Variants in PMS1 observed in about 807,000 individuals in gnomAD.
PMS1 encodes the protein PMS1 protein homolog 1.
Under a neutral mutation model 93.1 loss-of-function variants are expected in PMS1, and 79 were observed. That is an observed-to-expected ratio of 0.85 (90% CI 0.71 to 1.02). The LOEUF (loss-of-function observed/expected upper bound fraction) is 1.02, where lower values mean the gene tolerates loss of function less well. Ranked by LOEUF, PMS1 falls within the 50% of genes least tolerant of loss-of-function variation. PMS1 has a pLI of 0.00. For missense variants in PMS1, 1,064 were observed against 1,085.3 expected (o/e 0.98, Z 0.28); for synonymous variants, 335 against 363.4 (o/e 0.92, Z 0.89).
chr2:189,791,979 AG>A, intron 2 of PMS1, 38 bp downstream of exon 2: 1 of 1,594,272 alleles, frequency 6.3e-7, no homozygotes, highest in Non-Finnish European at 8.6e-7. Context: ...TTTAAGACAA[AG>A]AAAAGGGTCT....
chr2:189,795,502 T>C (rs2049272575), intron 2 of PMS1, among the ~76,000 whole-genome samples: 3 of 152,170 alleles, frequency 2.0e-5, no homozygotes, highest in African/African-American at 7.2e-5. Context: ...TAAATACCCA[T>C]GATAATGAAA....
chr2:189,809,616 C>A (rs2050661711), intron 4 of PMS1, among the ~76,000 whole-genome samples: 1 of 151,982 alleles, frequency 6.6e-6, no homozygotes. Context: ...GAGGCCAAGG[C>A]AGGCAGATCT....
intron 5 of PMS1, among the ~76,000 whole-genome samples, chr2:189,823,773 T>G (rs2052182450): frequency 6.6e-6 from 1 of 152,168 alleles, no homozygotes; most frequent in Non-Finnish European, 1.5e-5. Context: ...AATAAGGCTG[T>G]TTTTTATCAC....
At chr2:189,817,420 A>T (rs2051416211) in intron 4 of PMS1, among the ~76,000 whole-genome samples, 2 of 152,150 alleles carry the variant, frequency 1.3e-5, no homozygotes, top group African/African-American at 4.8e-5. Context: ...TCCTAATTTT[A>T]TGTGGTAGTG....
chr2:189,823,090 A>G (rs938235207), intron 5 of PMS1, among the ~76,000 whole-genome samples: 2 of 151,688 alleles, frequency 1.3e-5, no homozygotes, highest in Admixed American at 6.6e-5. Context: ...TTTTTATTTT[A>G]TTTTACATAA....
rs192232022 is a variant in PMS1 at position 189,822,157 on chromosome 2, C to T, written c.582+3977C>T. Among the ~76,000 whole-genome samples the T allele has an allele frequency of 1.1e-3, 175 of 152,252 alleles. 1 individual carries two copies. Among genetic ancestry groups the T allele is most frequent in the African/African-American group, 3.8e-3 (157 of 41,548 alleles). On this transcript the variant is annotated intron_variant, in intron 5 of 12. Coordinates refer to ENST00000441310, the MANE Select transcript of PMS1 (RefSeq NM_000534.5). ...TGTGGGCCGCGGTTGCCGACTGTGG[C>T]GCGGGCAGTGGAGGAGGAGGCGGGG... is the stretch of plus-strand genomic sequence containing the variant.
chr2:189,808,722 A>G (rs991255292), intron 4 of PMS1, among the ~76,000 whole-genome samples: 2 of 152,222 alleles, frequency 1.3e-5, no homozygotes, highest in African/African-American at 4.8e-5. Flanking sequence ...GGATTAATTC[A>G]GCCATTTAAA....
chr2:189,790,357 A>C (rs1409024936), intron 1 of PMS1, among the ~76,000 whole-genome samples: 2 of 152,204 alleles, frequency 1.3e-5, no homozygotes, highest in Admixed American at 6.5e-5. Context: ...CATTACACTC[A>C]TTATAGCACA....
At chr2:189,849,689 G>A (rs5743120) in intron 6 of PMS1, among the ~76,000 whole-genome samples, 1 of 151,530 alleles carries the variant, frequency 6.6e-6, no homozygotes, top group East Asian at 1.9e-4. Flanking sequence ...TAATTCACTC[G>A]CCAGCCCCAA....
Position 189,803,444 on chromosome 2 carries a change from C to T in PMS1, c.316-2208C>T, listed in dbSNP as rs955881313. Among the ~76,000 whole-genome samples, 4 of 152,122 alleles carry T rather than the reference C, an allele frequency of 2.6e-5. No individual in the cohort carries two copies. The East Asian group carries it at 7.7e-4, about 29-fold the overall frequency. On this transcript the variant is annotated intron_variant, in intron 3 of 12. Coordinates refer to ENST00000441310, the MANE Select transcript of PMS1 (RefSeq NM_000534.5). ...CAAGGTCCTCTAAGGACTTGTAAAA[C>T]TTTTCCTTTTAAAATACTGGTTTTC...
At chr2:189,805,813 T>TAA (rs3214425) in intron 4 of PMS1, 59 bp downstream of exon 4, 312 of 1,383,590 alleles carry the variant, frequency 2.3e-4, no homozygotes, top group Admixed American at 7.0e-4. Context: ...ATTGTTGGTT[T>TAA]AAAAAAAAAA....
At chr2:189,800,500 A>T (rs1179158857) in intron 3 of PMS1, among the ~76,000 whole-genome samples, 1 of 152,170 alleles carries the variant, frequency 6.6e-6, no homozygotes, top group Non-Finnish European at 1.5e-5. Flanking sequence ...TTTTTAAATA[A>T]GACTTAATGG....
intron 5 of PMS1, among the ~76,000 whole-genome samples, chr2:189,827,342 GGCCAATGAA>G (rs1269857549): frequency 2.0e-5 from 3 of 152,096 alleles, no homozygotes; most frequent in African/African-American, 7.2e-5. Flanking sequence ...TTTGAGATTA[GGCCAATGAA>G]AGTCAATGAC....
intron 3 of PMS1, among the ~76,000 whole-genome samples, chr2:189,801,360 A>G (rs2049872581): frequency 1.3e-5 from 2 of 152,228 alleles, no homozygotes; most frequent in Admixed American, 1.3e-4. Flanking sequence ...TTCAATGTTT[A>G]ATTACTAGTA....
intron 1 of PMS1, among the ~76,000 whole-genome samples, chr2:189,787,061 A>G (rs1186830368): frequency 6.6e-6 from 1 of 152,006 alleles, no homozygotes; most frequent in Non-Finnish European, 1.5e-5. Flanking sequence ...ACTCTGTCTC[A>G]AAAAAAAGAA....
Position 189,853,946 on chromosome 2 carries a change from G to A in PMS1, c.830G>A (p.Arg277Gln), listed in dbSNP as rs773928881. 2.1e-5 allele frequency: 33 copies of A among 1,565,796 alleles called. No individual in the cohort carries two copies. The East Asian group carries it at 5.7e-4, about 27-fold the overall frequency. Residue 277 changes from arginine to glutamine, a missense_variant, in exon 8 of 13, where the codon CGA (arginine) becomes CAA (glutamine). Arg to Gln is a conservative substitution (Grantham distance 43, BLOSUM62 1). Transcript: ENST00000441310. ...VHQKDILKLI[R>Q]HHYNLKCLKE... ...TATTACATGTATTTCTAGTTAATCCGACATCATTACAATCTGAAATGCCTA... is the reference window on the plus strand; with the variant it reads ...TATTACATGTATTTCTAGTTAATCCAACATCATTACAATCTGAAATGCCTA...
Position 189,877,616 on chromosome 2 carries a change from AT to A in PMS1, c.*181del. On this transcript the variant is annotated 3_prime_UTR_variant, in exon 13 of 13. Transcript: ENST00000441310. ...TATTGTAGAAAACGTAAATAAACTA[AT>A]ATAGACTATTCATTTGATTCTCAAG... 1 of 570,364 alleles carries A rather than the reference AT, an allele frequency of 1.8e-6. No homozygotes were observed. Among genetic ancestry groups the A allele is most frequent in the Non-Finnish European group, 3.1e-6 (1 of 319,910 alleles). The allele number at this position is 570,364 out of a possible 1,614,324, so 35.3% of individuals were successfully genotyped here. A position where few individuals can be genotyped will look rare whatever the true frequency, so the allele number is the denominator to read the frequency against.
intron 9 of PMS1, among the ~76,000 whole-genome samples, chr2:189,855,594 T>C (rs1032829938): frequency 5.3e-5 from 8 of 152,010 alleles, no homozygotes; most frequent in Admixed American, 2.6e-4. Context: ...AAAAAATTTG[T>C]ATTATTGGCG....
At chr2:189,795,640 CTT>C (rs1420208013) in intron 2 of PMS1, 127 bp from the exon 3 acceptor site, 1 of 763,820 alleles carries the variant, frequency 1.3e-6, no homozygotes, top group African/African-American at 1.7e-5. Context: ...AATTTAAACT[CTT>C]ATATCCATAA....
Sources: allele counts gnomAD v4.1 joint callset (sites outside exome capture counted in the v4.1 genomes callset), GRCh38; gene constraint gnomAD v4.1.1; transcripts MANE v1.5; gene names NCBI Gene and HGNC (gene_info 2026-07-23, HGNC 2026-07-21).